Variants in DNAH14 observed in about 807,000 individuals in gnomAD.
DNAH14 encodes the protein dynein axonemal heavy chain 14.
DNAH14 carries 478 observed loss-of-function variants against 520.9 expected under a neutral mutation model. The observed-to-expected ratio is 0.92, with a 90% CI of 0.85 to 0.99. DNAH14 has a LOEUF of 0.99. Among genes scored for constraint, DNAH14 ranks in the 50% least tolerant of loss-of-function variants. DNAH14 has a pLI of 0.00. For missense variants in DNAH14, 4,831 were observed against 5,234.5 expected (o/e 0.92, Z 2.38); for synonymous variants, 1,581 against 1,757.2 (o/e 0.90, Z 2.51).
chr1:225,244,179 A>C (rs1434387012), intron 43 of DNAH14, among the ~76,000 whole-genome samples: 1 of 152,180 alleles, frequency 6.6e-6, no homozygotes, highest in Non-Finnish European at 1.5e-5. Context: ...ATGGTGAACC[A>C]GCCTTGCATC....
rs1487585589 is a variant in DNAH14 at position 225,337,608 on chromosome 1, AACAGACATACACACATATATACTTACAG to A, written c.10311+118_10311+145del. On this transcript the variant is annotated intron_variant, in intron 67 of 85. Coordinates refer to ENST00000682510, the MANE Select transcript of DNAH14 (RefSeq NM_001367479.1). ...AGATAACTGTCAGGGAAAAAATAATAACAGACATACACACATATATACTTACAGACAGAGAGTGAGTTTTCAATGCTCA... is the reference window on the plus strand; with the variant it reads ...AGATAACTGTCAGGGAAAAAATAATAACAGAGAGTGAGTTTTCAATGCTCA... 6 of 788,916 alleles carry A rather than the reference AACAGACATACACACATATATACTTACAG, an allele frequency of 7.6e-6. No individual in the cohort carries two copies. The African/African-American group carries it at 8.7e-5, about 11-fold the overall frequency. 48.9% of individuals were successfully genotyped at this position (788,916 alleles called of 1,614,324 possible).
At chr1:225,084,081 G>C (rs544062821) in intron 20 of DNAH14, among the ~76,000 whole-genome samples, 8 of 152,108 alleles carry the variant, frequency 5.3e-5, no homozygotes, top group African/African-American at 1.9e-4. Context: ...TGAATAGATA[G>C]TTTAAAAAGG....
At chr1:225,344,266 G>A (rs1238159931) in intron 69 of DNAH14, among the ~76,000 whole-genome samples, 2 of 151,010 alleles carry the variant, frequency 1.3e-5, no homozygotes. Context: ...TACAAGTGCA[G>A]GTTTGTTACA....
chr1:224,982,217 G>A (rs2062324358), intron 8 of DNAH14, among the ~76,000 whole-genome samples: 1 of 152,178 alleles, frequency 6.6e-6, no homozygotes, highest in Non-Finnish European at 1.5e-5. Context: ...CAGAGCTTCT[G>A]TTGTTATTTG....
At position 225,204,281 on chromosome 1, in the gene DNAH14, T is replaced by A. The variant is rs2087245744; in HGVS notation, c.5977+8T>A. On this transcript the variant is annotated splice_region_variant and intron_variant, in intron 39 of 85. Coordinates refer to ENST00000682510, the MANE Select transcript of DNAH14 (RefSeq NM_001367479.1). ...AAATTCCAGAAAATCACAGTAAGTG[T>A]TACTAAATTCAAGAAAGATTATTAA... 4.3e-6 allele frequency: 6 copies of A among 1,404,654 alleles called. No homozygotes were observed. Among genetic ancestry groups the A allele is most frequent in the Non-Finnish European group, 4.7e-6 (5 of 1,056,342 alleles). The allele number at this position is 1,404,654 out of a possible 1,614,324, so 87.0% of individuals were successfully genotyped here.
chr1:225,222,687 A>G (rs975639744), intron 41 of DNAH14, among the ~76,000 whole-genome samples: 1 of 152,106 alleles, frequency 6.6e-6, no homozygotes, highest in South Asian at 2.1e-4. Flanking sequence ...ACAAACCTCT[A>G]ACTAGCCACA....
intron 65 of DNAH14, among the ~76,000 whole-genome samples, chr1:225,332,796 A>G (rs1385324999): frequency 6.7e-6 from 1 of 149,002 alleles, no homozygotes; most frequent in African/African-American, 2.5e-5. Flanking sequence ...AGAGTTTAAG[A>G]CCAACCGGGC....
chr1:225,296,638 G>A (rs2094015075), intron 55 of DNAH14, among the ~76,000 whole-genome samples: 1 of 151,372 alleles, frequency 6.6e-6, no homozygotes, highest in African/African-American at 2.4e-5. Flanking sequence ...ACTTCCACTT[G>A]TAAGACTCCC....
At chr1:225,122,472 TC>T (rs1269118763) in intron 26 of DNAH14, among the ~76,000 whole-genome samples, 1 of 152,142 alleles carries the variant, frequency 6.6e-6, no homozygotes, top group Non-Finnish European at 1.5e-5. Flanking sequence ...TTTTAAGTAT[TC>T]CATATACTTA....
At chr1:225,171,615 G>T (rs538177013) in intron 36 of DNAH14, among the ~76,000 whole-genome samples, 6 of 152,286 alleles carry the variant, frequency 3.9e-5, no homozygotes, top group Admixed American at 1.3e-4. Flanking sequence ...CTCTGAAATT[G>T]AGGCAATAAT....
chr1:225,149,844 A>G (rs1049352477), intron 31 of DNAH14, among the ~76,000 whole-genome samples: 3 of 152,210 alleles, frequency 2.0e-5, no homozygotes, highest in Non-Finnish European at 2.9e-5. Context: ...TGGCATCTGC[A>G]AACAGGGATA....
At chr1:225,143,523 T>C (rs940330151) in intron 28 of DNAH14, among the ~76,000 whole-genome samples, 1 of 152,176 alleles carries the variant, frequency 6.6e-6, no homozygotes, top group African/African-American at 2.4e-5. Context: ...CACTACTACA[T>C]GATAGCATAT....
intron 61 of DNAH14, among the ~76,000 whole-genome samples, chr1:225,321,872 T>G (rs943454660): frequency 2.0e-5 from 3 of 152,086 alleles, no homozygotes; most frequent in African/African-American, 7.2e-5. Context: ...GGTGGGAATT[T>G]TAGATCAGGA....
chr1:225,190,558 A>G (rs1049588165), intron 37 of DNAH14, among the ~76,000 whole-genome samples: 4 of 152,114 alleles, frequency 2.6e-5, no homozygotes, highest in Admixed American at 2.0e-4. Context: ...TAGAAAAGGG[A>G]GGATTACAGT....
At chr1:224,998,185 A>G (rs1246744047) in intron 8 of DNAH14, among the ~76,000 whole-genome samples, 5 of 151,776 alleles carry the variant, frequency 3.3e-5, no homozygotes, top group African/African-American at 1.2e-4. Flanking sequence ...ACTTTTTTTC[A>G]GTCTTATTTG....
chr1:224,996,952 C>T (rs2063431793), intron 8 of DNAH14, among the ~76,000 whole-genome samples: 1 of 152,074 alleles, frequency 6.6e-6, no homozygotes, highest in South Asian at 2.1e-4. Context: ...GTATTTCTCT[C>T]TCTGTGGGGT....
intron 23 of DNAH14, among the ~76,000 whole-genome samples, chr1:225,108,422 A>G (rs779418058): frequency 4.8e-4 from 73 of 152,122 alleles, no homozygotes; most frequent in Non-Finnish European, 3.7e-4. Flanking sequence ...CCTTTCATAT[A>G]TACATCTATC....
intron 53 of DNAH14, 54 bp from the exon 54 acceptor site, chr1:225,277,356 C>T (rs964917801): frequency 6.9e-6 from 3 of 436,926 alleles, no homozygotes; most frequent in South Asian, 1.7e-5. Context: ...CCACAATGCA[C>T]GTTTGATTTT....
intron 55 of DNAH14, among the ~76,000 whole-genome samples, chr1:225,292,529 G>C (rs1010298181): frequency 6.6e-6 from 1 of 152,074 alleles, no homozygotes; most frequent in African/African-American, 2.4e-5. Context: ...AAGTCTGGTA[G>C]TGTGATGCCT....
Sources: gnomAD v4.1 joint callset for allele counts (sites outside exome capture counted in the v4.1 genomes callset) on GRCh38, gnomAD v4.1.1 for gene constraint, MANE v1.5 for transcripts, NCBI Gene and HGNC (gene_info 2026-07-23, HGNC 2026-07-21) for gene names.